The following MACROD2 variants were observed in gnomAD, a reference collection of about 807,000 sequenced individuals.
MACROD2 encodes mono-ADP ribosylhydrolase 2.
Under a neutral mutation model 70.4 loss-of-function variants are expected in MACROD2, and 36 were observed. The ratio of observed to expected loss-of-function variants is 0.51; its 90% CI spans 0.39 to 0.68. The LOEUF (loss-of-function observed/expected upper bound fraction) is 0.68. Ranked by LOEUF, MACROD2 falls within the 30% of genes least tolerant of loss-of-function variation. MACROD2 has a pLI of 0.00. For synonymous variants in MACROD2, 172 were observed against 178.8 expected (o/e 0.96, Z 0.30); for missense variants, 496 against 538.4 (o/e 0.92, Z 0.78).
intron 5 of MACROD2, among the ~76,000 whole-genome samples, chr20:14,740,827 C>T (rs1234004673): frequency 1.3e-5 from 2 of 152,086 alleles, no homozygotes; most frequent in Non-Finnish European, 2.9e-5. Flanking sequence ...GAAGTGGGCC[C>T]TCTTTTGAGA....
intron 10 of MACROD2, among the ~76,000 whole-genome samples, chr20:15,924,764 A>G (rs1404916771): frequency 6.6e-6 from 1 of 152,194 alleles, no homozygotes; most frequent in Non-Finnish European, 1.5e-5. Flanking sequence ...GAACATCTTT[A>G]TATACTTTCC....
intron 9 of MACROD2, among the ~76,000 whole-genome samples, chr20:15,877,013 T>G (rs1454110999): frequency 6.6e-6 from 1 of 152,118 alleles, no homozygotes; most frequent in African/African-American, 2.4e-5. Context: ...GTTGAGGTTA[T>G]TAGAACATTT....
In MACROD2 at chr20:16,012,853, G is replaced by A. The variant is rs115715372; in HGVS notation, c.1153+25695G>A. ...TGTGGAGAACTTGTACCCTCTAGGA[G>A]CATTAATTAAAGATTTACAGATAAC... On this transcript the variant is annotated intron_variant, in intron 15 of 17. Transcript: ENST00000684519. Among the ~76,000 whole-genome samples the A allele has an allele frequency of 4.7e-3, 719 of 152,272 alleles. 2 individuals carry two copies. Among genetic ancestry groups the A allele is most frequent in the African/African-American group, 0.015 (626 of 41,564 alleles).
chr20:15,004,078 C>T (rs528622183), intron 5 of MACROD2, among the ~76,000 whole-genome samples: 3 of 152,260 alleles, frequency 2.0e-5, no homozygotes, highest in Admixed American at 1.3e-4. Context: ...CCCCTTCCCT[C>T]AAACTGCCTT....
Position 15,260,807 on chromosome 20 carries a change from T to C in MACROD2, c.540+30746T>C, listed in dbSNP as rs572475882. ...ATTGCCTGTCTTTTGAATTAATCTC[T>C]TTCTGCTGTTAATAATGTAATAATG... On this transcript the variant is annotated intron_variant, in intron 6 of 17. Coordinates refer to ENST00000684519, the MANE Select transcript of MACROD2 (RefSeq NM_001351661.2). 7.2e-5 allele frequency among the ~76,000 whole-genome samples: 11 copies of C among 152,164 alleles called. No individual in the cohort carries two copies. In the East Asian group the frequency reaches 2.1e-3, roughly 29 times the overall value.
intron 5 of MACROD2, among the ~76,000 whole-genome samples, chr20:14,915,769 T>C (rs1164966827): frequency 6.6e-6 from 1 of 152,160 alleles, no homozygotes; most frequent in Non-Finnish European, 1.5e-5. Context: ...CACAGCACGG[T>C]TGACAAAATA....
chr20:14,274,344 C>G (rs6033930), intron 3 of MACROD2, among the ~76,000 whole-genome samples: 3 of 151,824 alleles, frequency 2.0e-5, no homozygotes, highest in African/African-American at 7.3e-5. Context: ...GTTCGATATA[C>G]GCAAATCAAT....
At chr20:15,644,009 C>T (rs1026968761) in intron 8 of MACROD2, among the ~76,000 whole-genome samples, 2 of 152,138 alleles carry the variant, frequency 1.3e-5, no homozygotes, top group Non-Finnish European at 2.9e-5. Flanking sequence ...TGATAGTCCT[C>T]GCAATGTGTC....
At chr20:14,957,719 G>C (rs1024708942) in intron 5 of MACROD2, among the ~76,000 whole-genome samples, 6 of 152,106 alleles carry the variant, frequency 3.9e-5, no homozygotes, top group African/African-American at 1.4e-4. Context: ...GACAGAACCA[G>C]TGTGTAGCAC....
At chr20:15,783,421 G>A (rs956564825) in intron 8 of MACROD2, among the ~76,000 whole-genome samples, 3 of 152,136 alleles carry the variant, frequency 2.0e-5, no homozygotes, top group African/African-American at 7.2e-5. Context: ...GATACACCAT[G>A]TGGTTCTCAT....
At chr20:15,012,491 G>A (rs1020193008) in intron 5 of MACROD2, among the ~76,000 whole-genome samples, 5 of 152,154 alleles carry the variant, frequency 3.3e-5, no homozygotes, top group African/African-American at 1.2e-4. Flanking sequence ...GCTCAGCAAA[G>A]TCCCAGAACC....
At chr20:15,380,425 G>GTT (rs11455793) in intron 6 of MACROD2, among the ~76,000 whole-genome samples, 1,551 of 147,662 alleles carry the variant, frequency 0.011, 26 homozygotes, top group African/African-American at 0.036. Context: ...CTTAGGGAAA[G>GTT]TTTTTTTTTT....
At chr20:15,098,199 C>T (rs538887280) in intron 5 of MACROD2, among the ~76,000 whole-genome samples, 36 of 152,256 alleles carry the variant, frequency 2.4e-4, no homozygotes, top group African/African-American at 8.7e-4. Flanking sequence ...ATTTGATGCT[C>T]TGCTCCTACC....
chr20:14,963,197 G>A (rs576801670), intron 5 of MACROD2, among the ~76,000 whole-genome samples: 4 of 152,246 alleles, frequency 2.6e-5, no homozygotes, highest in African/African-American at 7.2e-5. Context: ...ATTGAGTACC[G>A]TAGTAGTACA....
At chr20:14,846,961 T>G (rs977073581) in intron 5 of MACROD2, among the ~76,000 whole-genome samples, 1 of 152,172 alleles carries the variant, frequency 6.6e-6, no homozygotes, top group Non-Finnish European at 1.5e-5. Context: ...ATTTCAATTT[T>G]TATAAAAGTT....
At chr20:15,796,992 G>A (rs183779840) in intron 8 of MACROD2, among the ~76,000 whole-genome samples, 89 of 152,256 alleles carry the variant, frequency 5.8e-4, no homozygotes, top group Non-Finnish European at 1.1e-3. Context: ...ATTTTCTTAC[G>A]TATCAAGGTA....
intron 12 of MACROD2, among the ~76,000 whole-genome samples, chr20:15,953,161 T>C (rs2065930090): frequency 6.6e-6 from 1 of 151,946 alleles, no homozygotes; most frequent in African/African-American, 2.4e-5. Flanking sequence ...CCAAGAAAGG[T>C]TGGTCTCATA....
At chr20:14,325,918 G>T in intron 3 of MACROD2, 1 of 1,613,956 alleles carries the variant, frequency 6.2e-7, no homozygotes. Flanking sequence ...AATGATGGCA[G>T]CCAAAGGTAA....
intron 3 of MACROD2, among the ~76,000 whole-genome samples, chr20:14,134,334 A>G (rs2054761171): frequency 6.6e-6 from 1 of 152,086 alleles, no homozygotes; most frequent in Admixed American, 6.5e-5. Context: ...CTGACTTTAT[A>G]CCTACCACAC....
Sources: gnomAD v4.1 joint callset for allele counts (sites outside exome capture counted in the v4.1 genomes callset) on GRCh38, gnomAD v4.1.1 for gene constraint, MANE v1.5 for transcripts, NCBI Gene and HGNC (gene_info 2026-07-23, HGNC 2026-07-21) for gene names.